Variants in SNTG1 observed in about 807,000 individuals in gnomAD.
The protein encoded by SNTG1 is gamma-1-syntrophin.
A neutral mutation model predicts 74.7 loss-of-function variants in SNTG1; 39 were observed. That is an observed-to-expected ratio of 0.52 (90% CI 0.40 to 0.68). The LOEUF (loss-of-function observed/expected upper bound fraction) is 0.68. Among genes scored for constraint, SNTG1 ranks in the 30% least tolerant of loss-of-function variants. SNTG1 has a pLI of 0.00. For missense variants in SNTG1, 685 were observed against 609.5 expected (o/e 1.12, Z -1.30); for synonymous variants, 254 against 217.1 (o/e 1.17, Z -1.49).
intron 13 of SNTG1, among the ~76,000 whole-genome samples, chr8:50,606,620 T>C (rs1462909287): frequency 2.7e-5 from 2 of 74,716 alleles, no homozygotes; most frequent in Non-Finnish European, 4.8e-5. Flanking sequence ...TAATGCAGAA[T>C]GTAACTGATA....
intron 9 of SNTG1, among the ~76,000 whole-genome samples, chr8:50,520,566 A>C (rs1261537417): frequency 6.6e-6 from 1 of 152,240 alleles, no homozygotes; most frequent in Non-Finnish European, 1.5e-5. Flanking sequence ...GAATGTAAAC[A>C]AATTTACAAC....
rs527324689 is a variant in SNTG1 at position 50,449,558 on chromosome 8, A to C, written c.220-110A>C. ...GGAGAAATTCCACAAGTTTATTTAA[A>C]TTCTGCCTAATATCCACTTAACATT... On this transcript the variant is annotated intron_variant, in intron 5 of 18. Coordinates refer to ENST00000642720, the MANE Select transcript of SNTG1 (RefSeq NM_018967.5). 6.5e-5 allele frequency: 45 copies of C among 689,248 alleles called. No homozygotes were observed. In the East Asian group the frequency reaches 1.5e-3, roughly 23 times the overall value. 42.7% of individuals were successfully genotyped at this position (689,248 alleles called of 1,614,324 possible). A position where few individuals can be genotyped will look rare whatever the true frequency, so the allele number is the denominator to read the frequency against.
At chr8:50,219,803 C>T (rs7013247) in intron 2 of SNTG1, among the ~76,000 whole-genome samples, 65,420 of 151,944 alleles carry the variant, frequency 0.43, 17,826 homozygotes, top group African/African-American at 0.78. Flanking sequence ...ATCCAAACCA[C>T]ATCAACCAAT....
chr8:50,092,281 G>C (rs1317730941), intron 1 of SNTG1, among the ~76,000 whole-genome samples: 1 of 152,238 alleles, frequency 6.6e-6, no homozygotes, highest in East Asian at 1.9e-4. Flanking sequence ...TGCTATCAGT[G>C]GACATGTTGT....
At chr8:50,698,607 T>C (rs1446233230) in intron 15 of SNTG1, among the ~76,000 whole-genome samples, 4 of 152,132 alleles carry the variant, frequency 2.6e-5, no homozygotes, top group Admixed American at 2.6e-4. Context: ...ATCCCCAGGA[T>C]ACTGTTAGAG....
intron 1 of SNTG1, among the ~76,000 whole-genome samples, chr8:49,941,078 C>T (rs1005668744): frequency 1.3e-5 from 2 of 152,150 alleles, no homozygotes; most frequent in Non-Finnish European, 2.9e-5. Flanking sequence ...CTGAGTGGGG[C>T]ACCCCCTCTT....
intron 1 of SNTG1, among the ~76,000 whole-genome samples, chr8:50,164,701 T>C (rs2082551963): frequency 6.6e-6 from 1 of 152,288 alleles, no homozygotes; most frequent in South Asian, 2.1e-4. Flanking sequence ...CACTCAAATA[T>C]GTAGTGAATG....
chr8:50,191,516 G>A (rs2083576572), intron 2 of SNTG1, among the ~76,000 whole-genome samples: 1 of 151,994 alleles, frequency 6.6e-6, no homozygotes, highest in African/African-American at 2.4e-5. Flanking sequence ...AATTTATGTT[G>A]AGAAACAATC....
At chr8:50,511,108 A>G (rs1396573306) in intron 9 of SNTG1, among the ~76,000 whole-genome samples, 1 of 152,158 alleles carries the variant, frequency 6.6e-6, no homozygotes, top group Non-Finnish European at 1.5e-5. Context: ...AGATTCTGGC[A>G]TGTTGTGTCT....
intron 15 of SNTG1, among the ~76,000 whole-genome samples, chr8:50,699,860 C>T (rs1373762789): frequency 7.3e-6 from 1 of 136,676 alleles, no homozygotes; most frequent in Admixed American, 7.2e-5. Context: ...CAAAAATTTC[C>T]AACATTAAGT....
chr8:50,210,105 A>C (rs2084444298), intron 2 of SNTG1, among the ~76,000 whole-genome samples: 1 of 152,214 alleles, frequency 6.6e-6, no homozygotes, highest in African/African-American at 2.4e-5. Context: ...AGCTGATTTG[A>C]TCAAGTGGAA....
intron 2 of SNTG1, among the ~76,000 whole-genome samples, chr8:50,295,942 A>C (rs4601322): frequency 3.0e-4 from 46 of 152,274 alleles, no homozygotes; most frequent in African/African-American, 1.1e-3. Context: ...GTGCACCTAA[A>C]GCATTTAAAT....
At chr8:50,013,940 G>A (rs1188482483) in intron 1 of SNTG1, among the ~76,000 whole-genome samples, 2 of 152,082 alleles carry the variant, frequency 1.3e-5, no homozygotes, top group Non-Finnish European at 2.9e-5. Flanking sequence ...CTAACTCAAT[G>A]TTAATGTGAA....
chr8:50,025,525 A>T (rs538255206), intron 1 of SNTG1, among the ~76,000 whole-genome samples: 1 of 152,322 alleles, frequency 6.6e-6, no homozygotes, highest in Admixed American at 6.5e-5. Flanking sequence ...ACATATAATA[A>T]ATCAAAGAGA....
At chr8:49,960,286 T>A (rs76804626) in intron 1 of SNTG1, among the ~76,000 whole-genome samples, 1,802 of 152,330 alleles carry the variant, frequency 0.012, 17 homozygotes, top group Middle Eastern at 0.041. Flanking sequence ...CTATTGAGCA[T>A]AAATAATGCT....
chr8:50,329,598 G>A (rs766190042), intron 2 of SNTG1, among the ~76,000 whole-genome samples: 1 of 151,928 alleles, frequency 6.6e-6, no homozygotes, highest in Non-Finnish European at 1.5e-5. Context: ...CAAATGCAGG[G>A]CACGAGATCC....
chr8:50,584,628 G>A (rs1467655508), intron 12 of SNTG1, among the ~76,000 whole-genome samples: 1 of 150,386 alleles, frequency 6.6e-6, no homozygotes, highest in Admixed American at 6.7e-5. Flanking sequence ...AGACAACAAT[G>A]CTGCTGTCAC....
intron 8 of SNTG1, among the ~76,000 whole-genome samples, chr8:50,470,791 G>A (rs189177984): frequency 6.6e-5 from 10 of 152,174 alleles, no homozygotes; most frequent in African/African-American, 2.2e-4. Flanking sequence ...TTATGACAAA[G>A]AGCAAAAGAA....
intron 9 of SNTG1, among the ~76,000 whole-genome samples, chr8:50,517,006 G>A (rs998941766): frequency 2.5e-4 from 38 of 152,078 alleles, no homozygotes; most frequent in South Asian, 2.5e-3. Context: ...GATTCAACAC[G>A]GTTGAAATGA....
Sources: gnomAD v4.1 joint callset for allele counts (sites outside exome capture counted in the v4.1 genomes callset) on GRCh38, gnomAD v4.1.1 for gene constraint, MANE v1.5 for transcripts, NCBI Gene and HGNC (gene_info 2026-07-23, HGNC 2026-07-21) for gene names.